PRKAG1: variants seen among roughly 807,000 people sequenced by gnomAD.
The protein encoded by PRKAG1 is 5'-AMP-activated protein kinase subunit gamma-1.
Under a neutral mutation model 48.2 loss-of-function variants are expected in PRKAG1, and 27 were observed. The ratio of observed to expected loss-of-function variants is 0.56; its 90% CI spans 0.41 to 0.77. PRKAG1 has a LOEUF of 0.77. PRKAG1 is among the 30% of genes least tolerant of loss of function. The pLI, the probability that PRKAG1 is intolerant of heterozygous loss-of-function variation, is 0.00. For synonymous variants in PRKAG1, 130 were observed against 147.7 expected, an observed-to-expected ratio of 0.88 and a Z score of 0.87; for missense variants, 287 against 398.3, an observed-to-expected ratio of 0.72 and a Z score of 2.38.
At chr12:49,012,695 C>T (rs1437325308) in intron 2 of PRKAG1, 3 of 213,886 alleles carry the variant, frequency 1.4e-5, no homozygotes, top group East Asian at 2.7e-4. Context: ...TTTTGGTGTA[C>T]ATTCAGTGGC....
At chr12:49,008,647 T>A (rs947573277) in intron 2 of PRKAG1, 1 of 152,210 alleles carries the variant, frequency 6.6e-6, no homozygotes, top group Non-Finnish European at 1.5e-5. Context: ...CCTTGCAGCC[T>A]GTAGATATCT....
chr12:49,008,648 G>A (rs1389373296), intron 2 of PRKAG1: 2 of 152,182 alleles, frequency 1.3e-5, no homozygotes, highest in Non-Finnish European at 2.9e-5. Flanking sequence ...CTTGCAGCCT[G>A]TAGATATCTT....
At chr12:49,018,632 A>C (rs1942109327) in intron 1 of PRKAG1, 100 bp downstream of exon 1, 1 of 1,592,540 alleles carries the variant, frequency 6.3e-7, no homozygotes, top group Admixed American at 1.8e-5. Flanking sequence ...TGTTTGCTAG[A>C]CACCAGCGCC....
At chr12:49,004,486 A>C (rs199853312) in intron 8 of PRKAG1, 21 bp downstream of exon 8, 33 of 1,609,844 alleles carry the variant, frequency 2.0e-5, no homozygotes, top group Middle Eastern at 3.3e-4. Flanking sequence ...AGAAAAAAGA[A>C]CTGGGCTGAG....
Position 49,005,283 on chromosome 12 carries a change from G to C in PRKAG1, c.309+23C>G. On this transcript the variant is annotated intron_variant, in intron 5 of 11. Transcript: ENST00000548065. This position sits in a 1 kb window ranked among gnomAD's most constrained non-coding sequence, Gnocchi z 4.1. ...ATTTAGGGCAGGGAAAGTGATTTTG[G>C]TCATTGGGTTAAGGTTCCTTACCAA... 1 of 1,613,744 alleles carries C rather than the reference G, an allele frequency of 6.2e-7. No homozygotes were observed. The highest frequency in any genetic ancestry group is 8.5e-7 in the Non-Finnish European group (1 of 1,179,752).
In PRKAG1 at chr12:49,005,511, G is replaced by A. The variant is rs780548174; in HGVS notation, c.201C>T (p.Asn67=). 1.1e-5 allele frequency: 18 copies of A among 1,613,988 alleles called. No homozygotes were observed. Among genetic ancestry groups the A allele is most frequent in the East Asian group, 4.5e-5 (2 of 44,894 alleles). Reference sequence around the variant, plus strand: ...CCCATAAAGGGGCAGCTCGTACACCGTTAGTCACCAAAGCAAAAAAAGCTT... The same window carrying A: ...CCCATAAAGGGGCAGCTCGTACACCATTAGTCACCAAAGCAAAAAAAGCTT... The part of the protein sequence containing the change: ...VKKAFFALVT[N]GVRAAPLWDS... Residue 67 remains asparagine, a synonymous_variant, in exon 4 of 12, where the codon AAC becomes AAT. Transcript: ENST00000548065. The surrounding 1 kb of genome is among the most constrained non-coding windows in gnomAD (Gnocchi z 4.1).
rs754094570 is a variant in PRKAG1 at position 49,005,896 on chromosome 12, C to T, written c.59-44G>A. 2.1e-6 allele frequency: 3 copies of T among 1,411,584 alleles called. No individual in the cohort carries two copies. Among genetic ancestry groups the T allele is most frequent in the East Asian group, 2.3e-5 (1 of 43,476 alleles). 87.4% of individuals were successfully genotyped at this position (1,411,584 alleles called of 1,614,324 possible). On this transcript the variant is annotated intron_variant, in intron 2 of 11. Coordinates refer to ENST00000548065, the MANE Select transcript of PRKAG1 (RefSeq NM_002733.5). The surrounding 1 kb of genome is among the most constrained non-coding windows in gnomAD (Gnocchi z 4.1). The stretch of plus-strand genomic sequence containing the variant: ...TTAGTAGCTTCCTTCCACATAAAAA[C>T]TCCCAATCAAAAGAGACAGAAAACA...
intron 11 of PRKAG1, 21 bp from the exon 12 acceptor site, chr12:49,003,027 A>G: frequency 6.2e-7 from 1 of 1,613,478 alleles, no homozygotes; most frequent in Non-Finnish European, 8.5e-7. Context: ...GCAACAAGGG[A>G]GAAAGGGAAT....
Position 49,004,504 on chromosome 12 carries a change from TACAA to T in PRKAG1, c.536_537+2del, listed in dbSNP as rs1941436201. The T allele has an allele frequency of 1.2e-6, 2 of 1,613,894 alleles. No homozygotes were observed. The highest frequency in any genetic ancestry group is 1.1e-5 in the South Asian group (1 of 90,970). ...AAAAAGAACTGGGCTGAGGAGCACT[TACAA>T]ACAATTTGAGGAACTTCAGAATGCG... On this transcript the variant is annotated splice_donor_variant and coding_sequence_variant, in exon 8 of 12. Transcript: ENST00000548065. LOFTEE classifies it high-confidence loss of function.
At position 49,002,903 on chromosome 12, in the gene PRKAG1, G is replaced by A; in HGVS notation, c.992C>T (p.Pro331Leu). Residue 331 changes from proline to leucine, a missense_variant, in exon 12 of 12, where the codon CCC becomes CTC. Coordinates refer to ENST00000548065, the MANE Select transcript of PRKAG1 (RefSeq NM_002733.5). Reference sequence around the variant, plus strand: ...TGCATGACCCCTTCCCCCAGCTCAGGGCTTCTTCTCTCCACCTGTGAGCAC... The same window carrying A: ...TGCATGACCCCTTCCCCCAGCTCAGAGCTTCTTCTCTCCACCTGTGAGCAC... ...ALVLTGGEKK[P>L] is the part of the protein sequence containing the mutation. The A allele has an allele frequency of 6.2e-7, 1 of 1,613,776 alleles. No homozygotes were observed. The highest frequency in any genetic ancestry group is 8.5e-7 in the Non-Finnish European group (1 of 1,179,710).
intron 1 of PRKAG1, chr12:49,017,285 C>G: frequency 2.2e-6 from 1 of 447,156 alleles, no homozygotes; most frequent in Non-Finnish European, 4.5e-6. Flanking sequence ...ACTCCAGCCT[C>G]CACCTCTTTG....
chr12:49,014,320 G>A (rs577094488), intron 1 of PRKAG1, among the ~76,000 whole-genome samples: 7 of 152,256 alleles, frequency 4.6e-5, no homozygotes, highest in Admixed American at 1.3e-4. Flanking sequence ...TGAGCTGAAC[G>A]AGCATTATCT....
intron 10 of PRKAG1, 55 bp from the exon 11 acceptor site, chr12:49,003,345 C>A: frequency 6.2e-7 from 1 of 1,608,780 alleles, no homozygotes; most frequent in South Asian, 1.1e-5. Context: ...GCCTCCAAAC[C>A]CTGAACCCAT....
At position 49,005,995 on chromosome 12, in the gene PRKAG1, C is replaced by A; in HGVS notation, c.59-143G>T. ...GACCCCTTATTTTATCTGTCTTGTTCCTATTGTTTCCACAAAACCTGGATA... is the reference window on the plus strand; with the variant it reads ...GACCCCTTATTTTATCTGTCTTGTTACTATTGTTTCCACAAAACCTGGATA... On this transcript the variant is annotated intron_variant, in intron 2 of 11. Coordinates refer to ENST00000548065, the MANE Select transcript of PRKAG1 (RefSeq NM_002733.5). This position sits in a 1 kb window ranked among gnomAD's most constrained non-coding sequence, Gnocchi z 4.1. 1.6e-6 allele frequency: 1 copy of A among 627,384 alleles called. No homozygotes were observed. The highest frequency in any genetic ancestry group is 2.2e-5 in the South Asian group (1 of 45,786). The allele number at this position is 627,384 out of a possible 1,614,324, so 38.9% of individuals were successfully genotyped here.
At chr12:49,010,848 CTT>C (rs34751625) in intron 2 of PRKAG1, among the ~76,000 whole-genome samples, 4 of 142,796 alleles carry the variant, frequency 2.8e-5, no homozygotes, top group Non-Finnish European at 3.1e-5. Context: ...AATGTACCAC[CTT>C]TTTTTTTTTT....
At chr12:49,006,918 G>C (rs61942213) in intron 2 of PRKAG1, among the ~76,000 whole-genome samples, 3 of 151,686 alleles carry the variant, frequency 2.0e-5, no homozygotes, top group African/African-American at 7.3e-5. Flanking sequence ...GCGATGAGCC[G>C]AGATCGCAAC....
intron 1 of PRKAG1, among the ~76,000 whole-genome samples, chr12:49,015,664 C>T (rs1440519871): frequency 2.0e-5 from 3 of 152,114 alleles, no homozygotes; most frequent in East Asian, 1.9e-4. Flanking sequence ...TCTCCGCCTC[C>T]GGGGTTCAAG....
intron 1 of PRKAG1, among the ~76,000 whole-genome samples, chr12:49,014,654 T>C (rs1193540557): frequency 6.6e-6 from 1 of 152,234 alleles, no homozygotes; most frequent in Non-Finnish European, 1.5e-5. Context: ...GGAACACGAA[T>C]GTACTGAAAC....
intron 1 of PRKAG1, chr12:49,017,647 T>A (rs1274471745): frequency 6.5e-6 from 1 of 154,978 alleles, no homozygotes; most frequent in Non-Finnish European, 1.4e-5. Context: ...GAATATGACA[T>A]GTCATTTTAA....
Sources: allele counts gnomAD v4.1 joint callset (sites outside exome capture counted in the v4.1 genomes callset), GRCh38; gene constraint gnomAD v4.1.1; non-coding constraint Gnocchi (gnomAD v3.1); transcripts MANE v1.5; gene names NCBI Gene and HGNC (gene_info 2026-07-23, HGNC 2026-07-21).